The following COL5A1 variants were observed in gnomAD, a reference collection of about 807,000 sequenced individuals.
COL5A1 encodes the protein collagen type V alpha 1 chain, also known as collagen alpha-1(V) chain.
Under a neutral mutation model 263.7 loss-of-function variants are expected in COL5A1, and 16 were observed. The ratio of observed to expected loss-of-function variants is 0.06; its 90% CI spans 0.04 to 0.09. The LOEUF (loss-of-function observed/expected upper bound fraction) is 0.09. COL5A1 is among the 10% of genes least tolerant of loss of function. The probability of loss-of-function intolerance (pLI) is 1.00; values close to 1 mark genes in which losing one functional copy is unlikely to be tolerated. For missense variants in COL5A1, 2,036 were observed against 2,540.5 expected, an observed-to-expected ratio of 0.80 and a Z score of 4.27; for synonymous variants, 1,012 against 1,004.5, an observed-to-expected ratio of 1.01 and a Z score of -0.14.
rs1830127056 is a variant in COL5A1, at chr9:134,842,188, A to G, written c.5402A>G (p.Glu1801Gly). Residue 1801 changes from glutamate (E) to glycine (G), a missense_variant, in exon 66 of 66, where the codon GAG becomes GGG. Physicochemically the swap from Glu to Gly is moderately conservative, Grantham distance 98. Around this residue, in one of 3 missense-constraint regions of COL5A1, gnomAD observed 358 missense variants for 384.6 expected, o/e 0.93. Transcript: ENST00000371817. The surrounding 1 kb of genome is among the most constrained non-coding windows in gnomAD (Gnocchi z 5.8). ...TKKGYQKTVL[E>G]IDTPKVEQVP... is the part of the protein sequence containing the mutation. Reference sequence around the variant, plus strand: ...AAAGGCTACCAGAAGACGGTTCTGGAGATCGACACCCCCAAAGTGGAGCAG... The same window carrying G: ...AAAGGCTACCAGAAGACGGTTCTGGGGATCGACACCCCCAAAGTGGAGCAG... The G allele has an allele frequency of 6.2e-7, 1 of 1,614,124 alleles. No individual in the cohort carries two copies. Among genetic ancestry groups the G allele is most frequent in the Non-Finnish European group, 8.5e-7 (1 of 1,180,018 alleles).
rs143161140 is a variant in COL5A1 at position 134,789,184 on chromosome 9, C to A, written c.2676C>A (p.Gly892=). 9.9e-6 allele frequency: 16 copies of A among 1,612,924 alleles called. No individual in the cohort carries two copies. Among genetic ancestry groups the A allele is most frequent in the Non-Finnish European group, 1.3e-5 (15 of 1,179,942 alleles). Residue 892 remains glycine (G), a synonymous_variant, in exon 32 of 66, where the codon GGC becomes GGA. Coordinates refer to ENST00000371817, the MANE Select transcript of COL5A1 (RefSeq NM_000093.5). This position sits in a 1 kb window ranked among gnomAD's most constrained non-coding sequence, Gnocchi z 4.8. Reference sequence around the variant, plus strand: ...CTATTGGATTCCCTGGATTTCCTGGCGCCAATGGAGAGAAGGGCGGCAGGG... The same window carrying A: ...CTATTGGATTCCCTGGATTTCCTGGAGCCAATGGAGAGAAGGGCGGCAGGG... ...KGSIGFPGFP[G]ANGEKGGRGT...
At chr9:134,749,947 G>T (rs1025735636) in intron 11 of COL5A1, among the ~76,000 whole-genome samples, 1 of 152,246 alleles carries the variant, frequency 6.6e-6, no homozygotes, top group East Asian at 1.9e-4. Flanking sequence ...TTGGCTGGGC[G>T]TGAGGAGGGC....
rs955476999 is a variant in COL5A1, at chr9:134,657,094, G to A, written c.109+14798G>A. Among the ~76,000 whole-genome samples the A allele has an allele frequency of 2.2e-4, 7 of 31,306 alleles. 1 individual carries two copies. The highest frequency in any genetic ancestry group is 2.6e-4 in the Non-Finnish European group (4 of 15,432). 20.5% of individuals were successfully genotyped at this position (31,306 alleles called of 152,430 possible). A position where few individuals can be genotyped will look rare whatever the true frequency, so the allele number is the denominator to read the frequency against. On this transcript the variant is annotated intron_variant, in intron 1 of 65. Coordinates refer to ENST00000371817, the MANE Select transcript of COL5A1 (RefSeq NM_000093.5). ...GGTGTAGTTAATAGATAATATGGGG[G>A]TCAGGGCGGGGGTGCAGTTTATAGA...
chr9:134,669,288 T>TCCCC, intron 1 of COL5A1, among the ~76,000 whole-genome samples: 7 of 89,968 alleles, frequency 7.8e-5, no homozygotes, highest in African/African-American at 3.5e-4. Context: ...TTCCCTTCCC[T>TCCCC]TCCCTCCCCT....
Position 134,699,958 on chromosome 9 carries a change from G to A in COL5A1, c.327G>A (p.Lys109=). The A allele has an allele frequency of 1.2e-6, 2 of 1,613,988 alleles. No homozygotes were observed. The highest frequency in any genetic ancestry group is 1.7e-6 in the Non-Finnish European group (2 of 1,180,044). The change falls in exon 3 of 66, where the codon AAG becomes AAA. Residue 109 remains lysine, a synonymous_variant. Coordinates refer to ENST00000371817, the MANE Select transcript of COL5A1 (RefSeq NM_000093.5). The part of the protein sequence containing the change: ...DFSILTTVKA[K]KGSQAFLVSI... ...CCATCCTAACAACTGTGAAAGCCAA[G>A]AAAGGCAGCCAGGCCTTCCTGGTCT...
chr9:134,820,483 A>G (rs1838949905), intron 58 of COL5A1, among the ~76,000 whole-genome samples: 4 of 152,166 alleles, frequency 2.6e-5, no homozygotes, highest in Admixed American at 6.5e-5. Context: ...GGTGTCCCCC[A>G]GAGCTGGAGG....
At position 134,789,045 on chromosome 9, in the gene COL5A1, G is replaced by C; in HGVS notation, c.2647-110G>C. ...GTGGTTGGGTGGGTGGGCAGGTGGA[G>C]TCTGGGGCAGAGGCTGTGCACTGGC... On this transcript the variant is annotated intron_variant, in intron 31 of 65. Transcript: ENST00000371817. The surrounding 1 kb of genome is among the most constrained non-coding windows in gnomAD (Gnocchi z 4.8). 2 of 944,672 alleles carry C rather than the reference G, an allele frequency of 2.1e-6. No homozygotes were observed. Among genetic ancestry groups the C allele is most frequent in the Non-Finnish European group, 3.4e-6 (2 of 594,982 alleles). The allele number at this position is 944,672 out of a possible 1,614,324, so 58.5% of individuals were successfully genotyped here. A position where few individuals can be genotyped will look rare whatever the true frequency, so the allele number is the denominator to read the frequency against.
At chr9:134,730,088 C>A (rs549239161) in intron 6 of COL5A1, 148 bp from the exon 7 acceptor site, 2 of 1,210,418 alleles carry the variant, frequency 1.7e-6, no homozygotes, top group Non-Finnish European at 2.4e-6. Flanking sequence ...GCGGCCCCTG[C>A]ACCCAAGAGG....
intron 1 of COL5A1, among the ~76,000 whole-genome samples, chr9:134,656,413 C>T (rs997467292): frequency 2.6e-5 from 4 of 152,146 alleles, no homozygotes; most frequent in Admixed American, 6.5e-5. Flanking sequence ...CTTCGGAGGC[C>T]GAGAGAGCAG....
chr9:134,696,038 A>G lies in COL5A1; in HGVS notation c.278-3871A>G, dbSNP rs1833449076. ...TTAGCCCGGCCCCTCCTGGGCTGCC[A>G]GGGTCCAGCTGAAACCTCAGCCGCC... On this transcript the variant is annotated intron_variant, in intron 2 of 65. Coordinates refer to ENST00000371817, the MANE Select transcript of COL5A1 (RefSeq NM_000093.5). The surrounding 1 kb of genome is among the most constrained non-coding windows in gnomAD (Gnocchi z 4.3). Among the ~76,000 whole-genome samples the G allele has an allele frequency of 6.6e-6, 1 of 152,142 alleles. No individual in the cohort carries two copies. Among genetic ancestry groups the G allele is most frequent in the Admixed American group, 6.5e-5 (1 of 15,286 alleles).
In COL5A1 at chr9:134,642,336, C is replaced by T; in HGVS notation, c.109+40C>T. 1 of 553,308 alleles carries T rather than the reference C, an allele frequency of 1.8e-6. No homozygotes were observed. 34.3% of individuals were successfully genotyped at this position (553,308 alleles called of 1,614,324 possible). ...GGGCGCGGGGCTGCGGGATGGGGCG[C>T]GCGCAGCCCGGGCGCCGCTGTCATC... On this transcript the variant is annotated intron_variant, in intron 1 of 65. Coordinates refer to ENST00000371817, the MANE Select transcript of COL5A1 (RefSeq NM_000093.5). The surrounding 1 kb of genome is among the most constrained non-coding windows in gnomAD (Gnocchi z 4.5).
rs887201099 is a variant in COL5A1, at chr9:134,821,235, G to C, written c.4555-862G>C. ...CACGGCCAGCGGGGAAAGCACCCCT[G>C]TGTCCACCCTGTTTGCTCACCTGCC... On this transcript the variant is annotated intron_variant, in intron 58 of 65. Coordinates refer to ENST00000371817, the MANE Select transcript of COL5A1 (RefSeq NM_000093.5). The surrounding 1 kb of genome is among the most constrained non-coding windows in gnomAD (Gnocchi z 4.2). Among the ~76,000 whole-genome samples, 1 of 140,456 alleles carries C rather than the reference G, an allele frequency of 7.1e-6. No individual in the cohort carries two copies. The highest frequency in any genetic ancestry group is 2.5e-5 in the African/African-American group (1 of 40,658). 92.1% of individuals were successfully genotyped at this position (140,456 alleles called of 152,430 possible). A position where few individuals can be genotyped will look rare whatever the true frequency, so the allele number is the denominator to read the frequency against.
chr9:134,685,877 A>T (rs533997215), intron 1 of COL5A1, among the ~76,000 whole-genome samples: 59 of 142,600 alleles, frequency 4.1e-4, no homozygotes, highest in African/African-American at 1.5e-3. Context: ...TCCATCATCC[A>T]TCCATCCACC....
intron 43 of COL5A1, among the ~76,000 whole-genome samples, 197 bp from the exon 44 acceptor site, chr9:134,810,058 C>T (rs1002808173): frequency 7.9e-5 from 12 of 152,206 alleles, no homozygotes; most frequent in Non-Finnish European, 1.5e-5. Flanking sequence ...AGCATCAGAT[C>T]GAGACCTCGT....
intron 6 of COL5A1, among the ~76,000 whole-genome samples, chr9:134,729,569 T>TGA (rs1834797221): frequency 3.7e-4 from 21 of 57,308 alleles, no homozygotes; most frequent in Admixed American, 6.6e-4. Flanking sequence ...CCTGTGTGTG[T>TGA]GAGCGTGTGT....
chr9:134,836,951 C>T (rs1355182826), intron 65 of COL5A1, among the ~76,000 whole-genome samples: 3 of 152,196 alleles, frequency 2.0e-5, no homozygotes, highest in Non-Finnish European at 2.9e-5. Context: ...GTTGATGGAT[C>T]CAGATCCCTG....
chr9:134,715,423 C>A (rs575531299), intron 4 of COL5A1, among the ~76,000 whole-genome samples: 20 of 152,264 alleles, frequency 1.3e-4, no homozygotes, highest in African/African-American at 4.8e-4. Context: ...CTTATCTCAA[C>A]TGCAAAGAGG....
chr9:134,795,010 C>G, intron 32 of COL5A1, 72 bp from the exon 33 acceptor site: 1 of 1,529,960 alleles, frequency 6.5e-7, no homozygotes, highest in South Asian at 1.1e-5. Context: ...CTCAATAACC[C>G]GGGAGACAGC....
chr9:134,744,813 G>A (rs868000801), intron 11 of COL5A1, among the ~76,000 whole-genome samples: 26 of 145,086 alleles, frequency 1.8e-4, no homozygotes, highest in East Asian at 1.1e-3. Context: ...ACACACATTC[G>A]CACACTCATG....
Sources: allele counts gnomAD v4.1 joint callset (sites outside exome capture counted in the v4.1 genomes callset), GRCh38; gene constraint gnomAD v4.1.1; regional missense constraint gnomAD v4.1.1; non-coding constraint Gnocchi (gnomAD v3.1); transcripts MANE v1.5; gene names NCBI Gene and HGNC (gene_info 2026-07-23, HGNC 2026-07-21).